Variants in LIPA observed in about 807,000 individuals in gnomAD.
The protein encoded by LIPA is lysosomal acid lipase/cholesteryl ester hydrolase.
A neutral mutation model predicts 40.6 loss-of-function variants in LIPA; 26 were observed. The observed-to-expected ratio is 0.64, with a 90% CI of 0.47 to 0.89. LIPA has a LOEUF of 0.89. Among genes scored for constraint, LIPA ranks in the 40% least tolerant of loss-of-function variants. The pLI, the probability that LIPA is intolerant of heterozygous loss-of-function variation, is 0.00. For missense variants in LIPA, 455 were observed against 479.6 expected (o/e 0.95, Z 0.48); for synonymous variants, 188 against 168.4 (o/e 1.12, Z -0.90).
intron 2 of LIPA, among the ~76,000 whole-genome samples, chr10:89,408,413 G>A (rs7915738): frequency 3.7e-4 from 57 of 152,278 alleles, no homozygotes; most frequent in African/African-American, 1.3e-3. Context: ...TCCCACAGGA[G>A]GACCTTTCAG....
At chr10:89,246,198 A>G (rs895354937) in intron 2 of LIPA, among the ~76,000 whole-genome samples, 8 of 152,212 alleles carry the variant, frequency 5.3e-5, no homozygotes, top group Admixed American at 2.0e-4. Context: ...CCTGCTGGCC[A>G]ATAAAGTATA....
chr10:89,232,598 GAGGGCCCTGGGGCAAGGATAATT>G (rs1304694025), intron 3 of LIPA, among the ~76,000 whole-genome samples: 7 of 152,202 alleles, frequency 4.6e-5, no homozygotes, highest in African/African-American at 1.7e-4. Context: ...TGAAACCAAA[GAGGGCCCTGGGGCAAGGATAATT>G]GAGAGAGGAG....
intron 1 of LIPA, among the ~76,000 whole-genome samples, chr10:89,272,269 C>T (rs1044539126): frequency 6.6e-6 from 1 of 152,024 alleles, no homozygotes; most frequent in Non-Finnish European, 1.5e-5. Flanking sequence ...CTCCAGTAAG[C>T]TCCAATGTGC....
chr10:89,275,685 G>C (rs1843286210), intron 1 of LIPA, among the ~76,000 whole-genome samples: 1 of 152,212 alleles, frequency 6.6e-6, no homozygotes, highest in Non-Finnish European at 1.5e-5. Flanking sequence ...GATATCGAGT[G>C]AAACTGGGAT....
chr10:89,410,283 G>T (rs1445716526), intron 2 of LIPA, among the ~76,000 whole-genome samples: 1 of 152,210 alleles, frequency 6.6e-6, no homozygotes, highest in Non-Finnish European at 1.5e-5. Flanking sequence ...TGCCTACTTA[G>T]ATACCAGGTG....
chr10:89,343,057 G>A (rs1486831052), upstream of LIPA, among the ~76,000 whole-genome samples: 9 of 152,184 alleles, frequency 5.9e-5, no homozygotes, highest in South Asian at 2.1e-4. Flanking sequence ...GCATGTAGGG[G>A]TAAAAGGAGG....
intron 1 of LIPA, among the ~76,000 whole-genome samples, chr10:89,273,038 T>C (rs554406791): frequency 6.6e-6 from 1 of 152,360 alleles, no homozygotes; most frequent in African/African-American, 2.4e-5. Context: ...CTGTAGGTTG[T>C]CTGGTCACTC....
chr10:89,305,841 G>C (rs759828382), intron 1 of LIPA: 12 of 701,212 alleles, frequency 1.7e-5, no homozygotes, highest in Non-Finnish European at 2.7e-5. Flanking sequence ...AAGAAAAGAA[G>C]GGGAGTTTCT....
intron 1 of LIPA, among the ~76,000 whole-genome samples, chr10:89,280,815 T>C (rs966708370): frequency 2.6e-5 from 4 of 152,222 alleles, no homozygotes; most frequent in Non-Finnish European, 5.9e-5. Context: ...TTTTTAATGG[T>C]ATCATTTCTG....
intron 6 of LIPA, among the ~76,000 whole-genome samples, chr10:89,224,539 T>C (rs1040457615): frequency 1.3e-5 from 2 of 152,248 alleles, no homozygotes; most frequent in Non-Finnish European, 2.9e-5. Context: ...ATAGAACATC[T>C]GGTCTTACCT....
At chr10:89,380,545 T>G (rs1467268666) in intron 2 of LIPA, among the ~76,000 whole-genome samples, 1 of 151,326 alleles carries the variant, frequency 6.6e-6, no homozygotes, top group Admixed American at 6.6e-5. Context: ...CAGGTGATCC[T>G]CCCACGTCAG....
chr10:89,310,322 A>C (rs1484574006), intron 1 of LIPA, among the ~76,000 whole-genome samples: 1 of 151,942 alleles, frequency 6.6e-6, no homozygotes, highest in Non-Finnish European at 1.5e-5. Flanking sequence ...CTTCCTTCAT[A>C]CCCTATGTCA....
rs185138668 is a variant in LIPA at position 89,387,252 on chromosome 10, C to G, written c.61+25539G>C. Among the ~76,000 whole-genome samples the G allele has an allele frequency of 9.1e-4, 134 of 147,670 alleles. 2 individuals are homozygous for G. The East Asian group carries it at 0.025, about 27-fold the overall frequency. On this transcript the variant is annotated intron_variant, in intron 2 of 8. Coordinates refer to the LIPA transcript ENST00000371837. ...AATGGCGTGAACCCAGGAGGTGGAG[C>G]TTGCAGTGAGCCGAGAGATCCCGCC...
chr10:89,306,704 C>A (rs1262776142), intron 1 of LIPA: 1 of 1,614,012 alleles, frequency 6.2e-7, no homozygotes, highest in African/African-American at 1.3e-5. Flanking sequence ...AACAGATGTT[C>A]TTCGCAGTGC....
rs1455189146 is a variant in LIPA, at chr10:89,214,989, G to T, written c.1039C>A (p.Leu347Ile). The change falls in exon 10 of 10, where the codon CTT becomes ATT. Residue 347 changes from leucine to isoleucine, a missense_variant. Transcript: ENST00000336233. ...TAVWSGGHDW[L>I]ADVYDVNILL... ...ATATTGACGTCGTAGACATCTGCAAGCCAGTCGTGACCCCCGCTCCAGACT... is the reference window on the plus strand; with the variant it reads ...ATATTGACGTCGTAGACATCTGCAATCCAGTCGTGACCCCCGCTCCAGACT... 3 of 1,614,146 alleles carry T rather than the reference G, an allele frequency of 1.9e-6. No homozygotes were observed. Among genetic ancestry groups the T allele is most frequent in the Non-Finnish European group, 1.7e-6 (2 of 1,180,000 alleles).
intron 2 of LIPA, among the ~76,000 whole-genome samples, chr10:89,410,611 C>T (rs1052059362): frequency 3.9e-5 from 6 of 152,206 alleles, no homozygotes; most frequent in African/African-American, 4.8e-5. Flanking sequence ...CTTACCCGAG[C>T]CTTAGAACTG....
At position 89,226,995 on chromosome 10, in the gene LIPA, C is replaced by G. The variant is rs1842778327; in HGVS notation, c.438G>C (p.Glu146Asp). 1 of 1,593,218 alleles carries G rather than the reference C, an allele frequency of 6.3e-7. No individual in the cohort carries two copies. The highest frequency in any genetic ancestry group is 1.1e-5 in the South Asian group (1 of 90,662). Reference protein sequence around the residue: ...QDEFWAFSYDEMAKYDLPASI... With the variant: ...QDEFWAFSYDDMAKYDLPASI... ...AAGCTGGTAGGTCATATTTTGCCAT[C>G]TCATCATAACTGTAATCCAAGAAAG... The change falls in exon 5 of 10, where the codon GAG (glutamate) becomes GAC (aspartate). Residue 146 changes from glutamate to aspartate, a missense_variant. Coordinates refer to ENST00000336233, the MANE Select transcript of LIPA (RefSeq NM_000235.4).
chr10:89,234,340 ATC>A (rs1232758645), intron 3 of LIPA, among the ~76,000 whole-genome samples: 2 of 152,200 alleles, frequency 1.3e-5, no homozygotes, highest in Non-Finnish European at 2.9e-5. Flanking sequence ...TGGGGTGCAC[ATC>A]TTTCCAGGCT....
chr10:89,248,874 C>T (rs1373897920), intron 1 of LIPA, among the ~76,000 whole-genome samples: 1 of 152,078 alleles, frequency 6.6e-6, no homozygotes, highest in African/African-American at 2.4e-5. Context: ...CCTCCTAACC[C>T]CAAAGTTAAA....
Sources: gnomAD v4.1 joint callset for allele counts (sites outside exome capture counted in the v4.1 genomes callset) on GRCh38, gnomAD v4.1.1 for gene constraint, MANE v1.5 for transcripts, NCBI Gene and HGNC (gene_info 2026-07-23, HGNC 2026-07-21) for gene names.